The following SEMA3A variants were observed in gnomAD, a reference collection of about 807,000 sequenced individuals.
SEMA3A encodes the protein semaphorin 3A.
In SEMA3A, 29 loss-of-function variants were observed where a neutral mutation model predicts 97.9. The observed-to-expected ratio is 0.30, with a 90% CI of 0.22 to 0.40. The LOEUF is 0.40. Ranked by LOEUF, SEMA3A falls within the 10% of genes least tolerant of loss-of-function variation. The pLI is 1.00. For missense variants in SEMA3A, 763 were observed against 951.3 expected (o/e 0.80, Z 2.60); for synonymous variants, 321 against 323.7 (o/e 0.99, Z 0.09).
intron 2 of SEMA3A, among the ~76,000 whole-genome samples, chr7:84,317,414 C>A (rs551874519): frequency 2.0e-4 from 30 of 152,212 alleles, no homozygotes; most frequent in African/African-American, 6.5e-4. Flanking sequence ...TTATTTCTGT[C>A]CATCACCCTA....
At chr7:83,992,333 A>G in intron 12 of SEMA3A, among the ~76,000 whole-genome samples, 1 of 139,100 alleles carries the variant, frequency 7.2e-6, no homozygotes. Flanking sequence ...TTCTGCTCTG[A>G]TTTTAGTTAT....
chr7:84,093,670 A>G (rs1273543422), intron 4 of SEMA3A, among the ~76,000 whole-genome samples: 1 of 152,150 alleles, frequency 6.6e-6, no homozygotes, highest in African/African-American at 2.4e-5. Flanking sequence ...GCTGAAAGCC[A>G]TAATCCTCAG....
chr7:84,418,924 T>C (rs533791797), intron 1 of SEMA3A, among the ~76,000 whole-genome samples: 9 of 151,176 alleles, frequency 6.0e-5, no homozygotes, highest in South Asian at 2.1e-4. Context: ...TAAATACACA[T>C]ATATATATAC....
chr7:84,205,093 T>C (rs1798456652), intron 3 of SEMA3A, among the ~76,000 whole-genome samples: 1 of 152,226 alleles, frequency 6.6e-6, no homozygotes, highest in Admixed American at 6.5e-5. Flanking sequence ...TATTTACATT[T>C]CAGAGCAAAT....
intron 4 of SEMA3A, among the ~76,000 whole-genome samples, chr7:84,066,750 C>A (rs1290076393): frequency 6.6e-6 from 1 of 151,792 alleles, no homozygotes; most frequent in Non-Finnish European, 1.5e-5. Context: ...AACTACAAAC[C>A]ACTGCTCAAT....
chr7:84,486,662 T>C (rs1023470485), intron 1 of SEMA3A, among the ~76,000 whole-genome samples: 1 of 152,194 alleles, frequency 6.6e-6, no homozygotes, highest in African/African-American at 2.4e-5. Flanking sequence ...GCAGTGATTG[T>C]CACAAAGAGG....
In SEMA3A at chr7:84,091,157, A is replaced by AC. The variant is rs1239182118; in HGVS notation, c.453+19312_453+19313insG. Among the ~76,000 whole-genome samples the AC allele has an allele frequency of 5.4e-5, 2 of 36,754 alleles. 1 individual carries two copies. Among genetic ancestry groups the AC allele is most frequent in the African/African-American group, 2.1e-4 (2 of 9,634 alleles). 24.1% of individuals were successfully genotyped at this position (36,754 alleles called of 152,430 possible). A position where few individuals can be genotyped will look rare whatever the true frequency, so the allele number is the denominator to read the frequency against. ...GAAAGAAGGAAGGAAGGAAGGAAGG[A>AC]AGGAAGGAAGGAAAGAAAGAAAGAA... On this transcript the variant is annotated intron_variant, in intron 4 of 16. Coordinates refer to ENST00000265362, the MANE Select transcript of SEMA3A (RefSeq NM_006080.3).
At chr7:84,416,916 C>G (rs2116266948) in intron 1 of SEMA3A, among the ~76,000 whole-genome samples, 1 of 152,220 alleles carries the variant, frequency 6.6e-6, no homozygotes, top group Non-Finnish European at 1.5e-5. Flanking sequence ...GGAGTTGCAG[C>G]TATAATATAG....
rs116855249 is a variant in SEMA3A at position 84,096,229 on chromosome 7, C to T, written c.453+14241G>A. Among the ~76,000 whole-genome samples, 1,044 of 152,118 alleles carry T rather than the reference C, an allele frequency of 6.9e-3. 7 individuals are homozygous for T. The highest frequency in any genetic ancestry group is 0.012 in the Non-Finnish European group (782 of 67,934). On this transcript the variant is annotated intron_variant, in intron 4 of 16. Coordinates refer to ENST00000265362, the MANE Select transcript of SEMA3A (RefSeq NM_006080.3). ...AATTGAGCTTAACTTCAGCTCTTAC[C>T]ACTAAGTAGCCAAGAGATTTAAAGA...
intron 3 of SEMA3A, among the ~76,000 whole-genome samples, chr7:84,204,540 G>A (rs562460021): frequency 3.9e-5 from 6 of 152,216 alleles, no homozygotes; most frequent in Non-Finnish European, 4.4e-5. Flanking sequence ...TAGTGACTCC[G>A]AAATGCCCTT....
At chr7:84,438,044 G>A (rs985419444) in intron 1 of SEMA3A, among the ~76,000 whole-genome samples, 1 of 151,984 alleles carries the variant, frequency 6.6e-6, no homozygotes, top group Non-Finnish European at 1.5e-5. Flanking sequence ...CCAGAAAAGA[G>A]CTAGAGAAAA....
intron 3 of SEMA3A, among the ~76,000 whole-genome samples, chr7:84,205,775 T>C (rs537596585): frequency 1.3e-3 from 204 of 152,304 alleles, no homozygotes; most frequent in African/African-American, 4.7e-3. Context: ...ATTTTGAAAG[T>C]TCATTCCTAT....
chr7:84,192,921 A>G (rs969252347), intron 1 of SEMA3A, among the ~76,000 whole-genome samples: 6 of 152,004 alleles, frequency 3.9e-5, no homozygotes, highest in Admixed American at 1.3e-4. Context: ...CCATCAACTT[A>G]GACTTATTTG....
intron 1 of SEMA3A, among the ~76,000 whole-genome samples, chr7:84,390,957 G>C (rs529872238): frequency 3.9e-5 from 6 of 152,154 alleles, no homozygotes; most frequent in Non-Finnish European, 8.8e-5. Context: ...TGAAAGCAAA[G>C]AGAAAAGTAC....
intron 3 of SEMA3A, among the ~76,000 whole-genome samples, chr7:84,248,584 CT>C (rs66529322): frequency 0.36 from 53,945 of 151,298 alleles, 10,510 homozygotes; most frequent in Middle Eastern, 0.46. Context: ...ATAAACACTG[CT>C]TTTTTTTTAG....
chr7:84,215,338 A>G (rs1367685770), intron 3 of SEMA3A, among the ~76,000 whole-genome samples: 3 of 150,684 alleles, frequency 2.0e-5, no homozygotes, highest in Admixed American at 6.6e-5. Flanking sequence ...GGCACCTGCT[A>G]CCACACCCAG....
At chr7:84,352,708 C>T (rs758885390) in intron 2 of SEMA3A, among the ~76,000 whole-genome samples, 19 of 151,734 alleles carry the variant, frequency 1.3e-4, no homozygotes, top group African/African-American at 3.1e-4. Flanking sequence ...GATTATGTAA[C>T]ATGGATACAG....
intron 3 of SEMA3A, among the ~76,000 whole-genome samples, chr7:84,211,080 A>C (rs900590151): frequency 5.3e-5 from 8 of 152,150 alleles, no homozygotes; most frequent in Non-Finnish European, 8.8e-5. Flanking sequence ...CTTTTATGAC[A>C]ATGGTTTTAG....
rs1270464784 is a variant in SEMA3A, at chr7:83,994,626, TC to T, written c.1452+7328del. On this transcript the variant is annotated intron_variant, in intron 12 of 16. Coordinates refer to ENST00000265362, the MANE Select transcript of SEMA3A (RefSeq NM_006080.3). ...GGGGGGTGCCTCCCAGTTAGGCTGC[TC>T]CGGGATCAGGGGTCAGGGACCCACT... Among the ~76,000 whole-genome samples the T allele has an allele frequency of 5.9e-4, 85 of 143,800 alleles. No homozygotes were observed. In the Middle Eastern group the frequency reaches 0.017, roughly 29 times the overall value. 94.3% of individuals were successfully genotyped at this position (143,800 alleles called of 152,430 possible).
Sources: allele counts gnomAD v4.1 joint callset (sites outside exome capture counted in the v4.1 genomes callset), GRCh38; gene constraint gnomAD v4.1.1; transcripts MANE v1.5; gene names NCBI Gene and HGNC (gene_info 2026-07-23, HGNC 2026-07-21).